Variants in DLGAP2 observed in about 807,000 individuals in gnomAD.
The protein encoded by DLGAP2 is DLG associated protein 2.
DLGAP2 carries 26 observed loss-of-function variants against 100.3 expected under a neutral mutation model. The observed-to-expected ratio is 0.26, with a 90% CI of 0.19 to 0.36. The LOEUF (loss-of-function observed/expected upper bound fraction) is 0.36. DLGAP2 is among the 10% of genes least tolerant of loss of function. The pLI, the probability that DLGAP2 is intolerant of heterozygous loss-of-function variation, is 1.00. For missense variants in DLGAP2, 1,858 were observed against 1,453.2 expected (o/e 1.28, Z -4.53); for synonymous variants, 886 against 630.1 (o/e 1.41, Z -6.08).
chr8:1,229,338 G>A (rs982982374), intron 2 of DLGAP2, among the ~76,000 whole-genome samples: 27 of 152,076 alleles, frequency 1.8e-4, no homozygotes, highest in African/African-American at 6.3e-4. Flanking sequence ...TGGAATTCAA[G>A]TATGAATCCA....
chr8:1,336,279 A>C (rs967628673), intron 3 of DLGAP2, among the ~76,000 whole-genome samples: 4 of 152,222 alleles, frequency 2.6e-5, no homozygotes, highest in African/African-American at 9.6e-5. Context: ...CAGTCAAGCA[A>C]CTCTGAGATC....
intron 1 of DLGAP2, among the ~76,000 whole-genome samples, chr8:833,056 C>T (rs937938207): frequency 6.6e-6 from 1 of 152,214 alleles, no homozygotes; most frequent in Non-Finnish European, 1.5e-5. Flanking sequence ...ACTACATCCT[C>T]CCATCATCCC....
At chr8:1,023,857 A>ATGTGTGTGTG (rs149206104) in intron 2 of DLGAP2, among the ~76,000 whole-genome samples, 9,097 of 128,790 alleles carry the variant, frequency 0.071, 462 homozygotes, top group Non-Finnish European at 0.093. Context: ...AACTTTATAT[A>ATGTGTGTGTG]TGTGTGTGTG....
chr8:1,047,061 T>G (rs1304206403), intron 2 of DLGAP2, among the ~76,000 whole-genome samples: 1 of 152,142 alleles, frequency 6.6e-6, no homozygotes, highest in East Asian at 1.9e-4. Flanking sequence ...ATTCACAGAG[T>G]TGTGCAGCCA....
At chr8:983,730 C>T (rs1384556837) in intron 2 of DLGAP2, among the ~76,000 whole-genome samples, 1 of 152,058 alleles carries the variant, frequency 6.6e-6, no homozygotes, top group Non-Finnish European at 1.5e-5. Flanking sequence ...GTGGCTTCCA[C>T]CTCCCAGGCT....
rs4584165 is a variant in DLGAP2 at position 1,570,850 on chromosome 8, G to C, written c.1442+4956G>C. 7.4e-3 allele frequency among the ~76,000 whole-genome samples: 1,046 copies of C among 141,134 alleles called. 14 individuals carry two copies. The highest frequency in any genetic ancestry group is 9.9e-3 in the Non-Finnish European group (654 of 65,824). 92.6% of individuals were successfully genotyped at this position (141,134 alleles called of 152,430 possible). A position where few individuals can be genotyped will look rare whatever the true frequency, so the allele number is the denominator to read the frequency against. ...AGATGGAGAGGAGAGAGGGTGAACT[G>C]TGGGGATGTCTGATGAGATGGAGAA... On this transcript the variant is annotated intron_variant, in intron 6 of 14. Transcript: ENST00000637795.
rs938741832 is a variant in DLGAP2 at position 889,079 on chromosome 8, C to G, written c.19-18833C>G. ...GTTCTCTGGCGGGCAGACTGGAGGTCACAAGGTGCTCAGTAGGGGAGCTTT... is the reference window on the plus strand; with the variant it reads ...GTTCTCTGGCGGGCAGACTGGAGGTGACAAGGTGCTCAGTAGGGGAGCTTT... On this transcript the variant is annotated intron_variant, in intron 1 of 14. Transcript: ENST00000637795. 2.6e-5 allele frequency among the ~76,000 whole-genome samples: 4 copies of G among 152,070 alleles called. No individual in the cohort carries two copies. In the South Asian group the frequency reaches 8.3e-4, roughly 32 times the overall value.
chr8:803,124 G>A (rs999255960), intron 1 of DLGAP2, among the ~76,000 whole-genome samples: 5 of 152,100 alleles, frequency 3.3e-5, no homozygotes, highest in African/African-American at 9.7e-5. Flanking sequence ...CACGGCTCCT[G>A]GCTTTATGGC....
At chr8:1,463,858 C>T (rs1025542082) in intron 3 of DLGAP2, among the ~76,000 whole-genome samples, 3 of 152,234 alleles carry the variant, frequency 2.0e-5, no homozygotes, top group African/African-American at 7.2e-5. Flanking sequence ...ACAAGCTCTG[C>T]TGGGGTTTTC....
chr8:1,207,322 A>G (rs1798017835), intron 2 of DLGAP2, among the ~76,000 whole-genome samples: 3 of 152,216 alleles, frequency 2.0e-5, no homozygotes, highest in Admixed American at 1.3e-4. Flanking sequence ...AAGTGAGCAC[A>G]TACAATGTTT....
chr8:1,390,967 C>A (rs1563122370), intron 3 of DLGAP2, among the ~76,000 whole-genome samples: 1 of 152,166 alleles, frequency 6.6e-6, no homozygotes, highest in Non-Finnish European at 1.5e-5. Flanking sequence ...ATCAGAAAGA[C>A]CCAGGGTCTG....
At chr8:778,623 GT>G (rs35232289) in intron 1 of DLGAP2, among the ~76,000 whole-genome samples, 1 of 152,196 alleles carries the variant, frequency 6.6e-6, no homozygotes, top group Non-Finnish European at 1.5e-5. Flanking sequence ...GTGTACCCCT[GT>G]TGGGGGGTGC....
intron 11 of DLGAP2, among the ~76,000 whole-genome samples, chr8:1,677,862 C>G (rs1798845927): frequency 6.6e-6 from 1 of 152,176 alleles, no homozygotes; most frequent in African/African-American, 2.4e-5. Context: ...AGAAGCAACC[C>G]ATGGCTTTGG....
At chr8:1,258,489 G>T (rs759252753) in intron 2 of DLGAP2, among the ~76,000 whole-genome samples, 1 of 152,052 alleles carries the variant, frequency 6.6e-6, no homozygotes, top group Non-Finnish European at 1.5e-5. Flanking sequence ...ATTGCATGCG[G>T]GGCTTAAAAC....
intron 2 of DLGAP2, among the ~76,000 whole-genome samples, chr8:960,233 A>G (rs1366854758): frequency 1.2e-4 from 1 of 8,304 alleles, no homozygotes; most frequent in Non-Finnish European, 2.4e-4. Flanking sequence ...TTCCTGAAGT[A>G]TATCTTTTTT....
At chr8:1,374,744 G>C (rs1178159205) in intron 3 of DLGAP2, among the ~76,000 whole-genome samples, 1 of 152,144 alleles carries the variant, frequency 6.6e-6, no homozygotes, top group Non-Finnish European at 1.5e-5. Flanking sequence ...ATAAAGTGGA[G>C]ACTGGACGGT....
intron 3 of DLGAP2, among the ~76,000 whole-genome samples, chr8:1,487,053 C>A (rs966579871): frequency 2.6e-5 from 4 of 152,174 alleles, no homozygotes; most frequent in Non-Finnish European, 4.4e-5. Context: ...AAAGCACAAT[C>A]GATCTAGAAT....
At chr8:1,443,484 T>G (rs1016736491) in intron 3 of DLGAP2, among the ~76,000 whole-genome samples, 7 of 152,222 alleles carry the variant, frequency 4.6e-5, no homozygotes, top group Non-Finnish European at 2.9e-5. Context: ...AGTCTTCTCC[T>G]GCAAGAGAGG....
intron 3 of DLGAP2, among the ~76,000 whole-genome samples, chr8:1,442,318 G>C (rs1302080128): frequency 6.7e-6 from 1 of 149,370 alleles, no homozygotes; most frequent in Non-Finnish European, 1.5e-5. Context: ...GCTGCTGATG[G>C]GTTCAGCCAC....
Sources: allele counts gnomAD v4.1 joint callset (sites outside exome capture counted in the v4.1 genomes callset), GRCh38; gene constraint gnomAD v4.1.1; transcripts MANE v1.5; gene names NCBI Gene and HGNC (gene_info 2026-07-23, HGNC 2026-07-21).